The following HERC3 variants were observed in gnomAD, a reference collection of about 807,000 sequenced individuals.
The protein encoded by HERC3 is probable E3 ubiquitin-protein ligase HERC3.
In HERC3, 58 loss-of-function variants were observed where a neutral mutation model predicts 129.9. That is an observed-to-expected ratio of 0.45 (90% CI 0.36 to 0.56). The LOEUF (loss-of-function observed/expected upper bound fraction) is 0.56, where lower values mean the gene tolerates loss of function less well. Ranked by LOEUF, HERC3 falls within the 20% of genes least tolerant of loss-of-function variation. HERC3 has a pLI of 0.00. For missense variants in HERC3, 835 were observed against 1,244.2 expected (o/e 0.67, Z 4.95); for synonymous variants, 430 against 451.0 (o/e 0.95, Z 0.59).
chr4:88,697,751 C>G, intron 23 of HERC3: 1 of 1,606,282 alleles, frequency 6.2e-7, no homozygotes, highest in Non-Finnish European at 8.5e-7. Flanking sequence ...TCCGAGTCGG[C>G]CATGTTAGAG....
Position 88,654,068 on chromosome 4 carries a change from C to T in HERC3, c.712C>T (p.Leu238Phe), listed in dbSNP as rs1280932291. The stretch of plus-strand genomic sequence containing the variant: ...TCGAGAATCTCCATGCCATGTAAAA[C>T]TCTTACGCACGCAAAAAGTTGTCTA... ...KDRESPCHVKLLRTQKVVYIS... is the reference protein window; with the variant it reads ...KDRESPCHVKFLRTQKVVYIS... Residue 238 changes from leucine to phenylalanine, a missense_variant, in exon 7 of 26, where the codon CTC becomes TTC. Coordinates refer to ENST00000402738, the MANE Select transcript of HERC3 (RefSeq NM_014606.3). 3.7e-6 allele frequency: 6 copies of T among 1,612,794 alleles called. No individual in the cohort carries two copies. Among genetic ancestry groups the T allele is most frequent in the Non-Finnish European group, 5.1e-6 (6 of 1,179,030 alleles).
chr4:88,615,147 T>C (rs1724762272), intron 3 of HERC3, among the ~76,000 whole-genome samples: 1 of 152,216 alleles, frequency 6.6e-6, no homozygotes, highest in Non-Finnish European at 1.5e-5. Context: ...TCAGCGATTT[T>C]TGTAAATCCA....
chr4:88,641,310 C>A (rs1399255258), intron 3 of HERC3, among the ~76,000 whole-genome samples: 2 of 152,090 alleles, frequency 1.3e-5, no homozygotes, highest in African/African-American at 4.8e-5. Context: ...TAGCTTAAAG[C>A]AGTGCTTAGA....
chr4:88,708,495 A>G lies in HERC3; in HGVS notation c.*1535A>G, dbSNP rs1735945904. 1 of 152,600 alleles carries G rather than the reference A, an allele frequency of 6.6e-6. No individual in the cohort carries two copies. Among genetic ancestry groups the G allele is most frequent in the South Asian group, 2.1e-4 (1 of 4,832 alleles). 9.5% of individuals were successfully genotyped at this position (152,600 alleles called of 1,614,324 possible). On this transcript the variant is annotated 3_prime_UTR_variant, in exon 26 of 26. Coordinates refer to ENST00000402738, the MANE Select transcript of HERC3 (RefSeq NM_014606.3). ...AAATGTTTATTTTCTATGTGTGTGC[A>G]TATAGTTCAATATTATGCAATAAAT...
intron 19 of HERC3, 41 bp from the exon 20 acceptor site, chr4:88,680,052 T>C (rs2149315244): frequency 6.4e-7 from 1 of 1,563,954 alleles, no homozygotes; most frequent in Non-Finnish European, 8.7e-7. Context: ...AAATGTGTCA[T>C]AGATTTCCCG....
chr4:88,579,232 A>AAAAAAAAAAAAATATATATATATAT, the HERC3 span, among the ~76,000 whole-genome samples: 1 of 104,088 alleles, frequency 9.6e-6, no homozygotes, highest in African/African-American at 6.1e-5. Flanking sequence ...AAAAAAAAAA[A>AAAAAAAAAAAAATATATATATATAT]ATATATATAT....
At chr4:88,660,129 TG>T (rs1205166566) in intron 10 of HERC3, among the ~76,000 whole-genome samples, 9 of 152,184 alleles carry the variant, frequency 5.9e-5, no homozygotes, top group Non-Finnish European at 1.2e-4. Context: ...ATACAGAGGC[TG>T]ATCAAATCAT....
the HERC3 span, among the ~76,000 whole-genome samples, chr4:88,546,001 T>G: frequency 2.0e-5 from 3 of 152,186 alleles, no homozygotes; most frequent in Admixed American, 2.0e-4. Flanking sequence ...AAAAATCACT[T>G]ATTAATAGTA....
chr4:88,682,648 G>T (rs1246914387), intron 21 of HERC3, among the ~76,000 whole-genome samples: 2 of 152,064 alleles, frequency 1.3e-5, no homozygotes, highest in African/African-American at 4.8e-5. Context: ...CAAAGGACAT[G>T]AACTCATCAT....
the HERC3 span, among the ~76,000 whole-genome samples, chr4:88,585,764 T>A: frequency 1.3e-5 from 2 of 152,220 alleles, no homozygotes; most frequent in African/African-American, 2.4e-5. Flanking sequence ...ATTTTTGATA[T>A]GAATATTTAA....
chr4:88,697,671 C>T (rs1734775727), intron 23 of HERC3: 2 of 1,613,160 alleles, frequency 1.2e-6, no homozygotes, highest in African/African-American at 1.3e-5. Flanking sequence ...CACCGCCTTC[C>T]GCCATTACCT....
At chr4:88,665,821 C>A (rs1730987538) in intron 12 of HERC3, among the ~76,000 whole-genome samples, 1 of 152,134 alleles carries the variant, frequency 6.6e-6, no homozygotes, top group Non-Finnish European at 1.5e-5. Flanking sequence ...TCACACAATT[C>A]ATTTCATATT....
chr4:88,687,264 T>A lies in HERC3; in HGVS notation c.2622T>A (p.Pro874=). 2.5e-6 allele frequency: 4 copies of A among 1,612,950 alleles called. No individual in the cohort carries two copies. Among genetic ancestry groups the A allele is most frequent in the South Asian group, 2.2e-5 (2 of 91,020 alleles). ...YGVIEQKKLI[P]GGDNVTVCKD... is the part of the protein sequence containing the mutation. ...TGATTGAACAGAAGAAGCTGATACC[T>A]GGGGGAGATAATGTAACTGTGTGCA... is the stretch of plus-strand genomic sequence containing the variant. The change falls in exon 23 of 26, where the codon CCT becomes CCA. Residue 874 remains proline (P), a synonymous_variant. Transcript: ENST00000402738.
intron 23 of HERC3, among the ~76,000 whole-genome samples, chr4:88,699,332 A>ACCCCTTCC (rs1338889225): frequency 5.7e-5 from 1 of 17,576 alleles, no homozygotes. Flanking sequence ...CCACCCACCC[A>ACCCCTTCC]CGCAGCCCCA....
chr4:88,624,505 G>T (rs1725879787), intron 3 of HERC3, among the ~76,000 whole-genome samples: 1 of 152,026 alleles, frequency 6.6e-6, no homozygotes, highest in East Asian at 1.9e-4. Context: ...GCTTATTTTT[G>T]CCATTTGGGT....
chr4:88,552,466 A>C, the HERC3 span, among the ~76,000 whole-genome samples: 1 of 152,042 alleles, frequency 6.6e-6, no homozygotes, highest in African/African-American at 2.4e-5. Flanking sequence ...TTACCCAGGC[A>C]GGTATTGAAT....
intron 3 of HERC3, among the ~76,000 whole-genome samples, chr4:88,620,136 GT>G (rs1364638473): frequency 7.9e-5 from 12 of 152,208 alleles, no homozygotes; most frequent in African/African-American, 2.7e-4. Context: ...CAGCAATGCT[GT>G]TAATGGCAAA....
chr4:88,624,102 C>T (rs1725835365), intron 3 of HERC3, among the ~76,000 whole-genome samples: 1 of 152,198 alleles, frequency 6.6e-6, no homozygotes, highest in African/African-American at 2.4e-5. Flanking sequence ...CATTGTTGCA[C>T]ATGTCAGTAG....
chr4:88,547,839 A>G, the HERC3 span, among the ~76,000 whole-genome samples: 2 of 152,110 alleles, frequency 1.3e-5, no homozygotes, highest in South Asian at 2.1e-4. Context: ...TAGTTTTAGT[A>G]GAGATAGGGT....
Sources: gnomAD v4.1 joint callset for allele counts (sites outside exome capture counted in the v4.1 genomes callset) on GRCh38, gnomAD v4.1.1 for gene constraint, MANE v1.5 for transcripts, NCBI Gene and HGNC (gene_info 2026-07-23, HGNC 2026-07-21) for gene names.